Variants in MICAL2 observed in about 807,000 individuals in gnomAD.
MICAL2 encodes [F-actin]-monooxygenase MICAL2.
Under a neutral mutation model 127.3 loss-of-function variants are expected in MICAL2, and 77 were observed. The ratio of observed to expected loss-of-function variants is 0.60; its 90% confidence interval spans 0.50 to 0.73. The LOEUF (loss-of-function observed/expected upper bound fraction) is 0.73, where lower values mean the gene tolerates loss of function less well. MICAL2 is among the 30% of genes least tolerant of loss of function. MICAL2 has a pLI of 0.00. For synonymous variants in MICAL2, 570 were observed against 551.1 expected (o/e 1.03, Z -0.48); for missense variants, 1,351 against 1,434.4 (o/e 0.94, Z 0.94).
chr11:12,360,272 TATC>T (rs1441971120), downstream of MICAL2, among the ~76,000 whole-genome samples: 2 of 152,166 alleles, frequency 1.3e-5, no homozygotes, highest in Non-Finnish European at 2.9e-5. Flanking sequence ...GAATTGATAA[TATC>T]ATTTCCTCAT....
At chr11:12,117,669 G>A (rs918450690) in intron 1 of MICAL2, among the ~76,000 whole-genome samples, 24 of 152,174 alleles carry the variant, frequency 1.6e-4, no homozygotes, top group Non-Finnish European at 2.9e-5. Context: ...TTGGACAACT[G>A]TTCATCCAAA....
intron 23 of MICAL2, chr11:12,256,087 ACT>A (rs1387196172): frequency 2.2e-4 from 53 of 238,898 alleles, no homozygotes; most frequent in Non-Finnish European, 4.9e-5. Context: ...ACCTGAACAG[ACT>A]CTGTGCATTG....
At chr11:12,226,121 C>G in intron 13 of MICAL2, 50 bp from the exon 14 acceptor site, 1 of 1,591,274 alleles carries the variant, frequency 6.3e-7, no homozygotes, top group Non-Finnish European at 8.6e-7. Context: ...CAGCTCGCCA[C>G]ACCTCTGCCT....
rs562359869 is a variant in MICAL2, at chr11:12,179,819, T to C, written c.264+17400T>C. Among the ~76,000 whole-genome samples, 61 of 152,358 alleles carry C rather than the reference T, an allele frequency of 4.0e-4. 1 individual carries two copies. Among genetic ancestry groups the C allele is most frequent in the African/African-American group, 1.1e-3 (45 of 41,580 alleles). On this transcript the variant is annotated intron_variant, in intron 3 of 27. Transcript: ENST00000683283. ...GATAACTTAATGCTGAGCCTCTCAG[T>C]GCTGCTGGGACAGCCTTTTCAGAAA...
At chr11:12,136,787 A>G (rs185653189) in intron 1 of MICAL2, among the ~76,000 whole-genome samples, 107 of 152,224 alleles carry the variant, frequency 7.0e-4, no homozygotes, top group African/African-American at 2.5e-3. Flanking sequence ...GCATCTGACC[A>G]GTGGTCAGCC....
intron 8 of MICAL2, 47 bp from the exon 9 acceptor site, chr11:12,220,154 G>A (rs777823054): frequency 6.2e-7 from 1 of 1,608,800 alleles, no homozygotes; most frequent in Non-Finnish European, 8.5e-7. Context: ...ATGAAGGCTA[G>A]CCCTTTAGAG....
chr11:12,257,281 C>T (rs1327530852), intron 24 of MICAL2: 1 of 285,780 alleles, frequency 3.5e-6, no homozygotes, highest in Admixed American at 5.1e-5. Context: ...CCTGTATGGC[C>T]AAGAAAATCC....
At chr11:12,144,219 C>G (rs1052261631) in intron 2 of MICAL2, among the ~76,000 whole-genome samples, 1 of 152,126 alleles carries the variant, frequency 6.6e-6, no homozygotes, top group African/African-American at 2.4e-5. Context: ...TTTTTTGGAA[C>G]AGTTGGGGCT....
intron 5 of MICAL2, among the ~76,000 whole-genome samples, chr11:12,208,776 C>T (rs1855055194): frequency 1.3e-5 from 2 of 152,208 alleles, no homozygotes; most frequent in South Asian, 4.1e-4. Context: ...TTAAAAGTAT[C>T]TACCGCCTGG....
chr11:12,280,385 T>C (rs960238632), intron 1 of MICAL2, among the ~76,000 whole-genome samples: 2 of 152,210 alleles, frequency 1.3e-5, no homozygotes, highest in African/African-American at 4.8e-5. Context: ...CCTGTATTGT[T>C]CTGCTCTGGC....
chr11:12,314,876 A>G (rs1022261734), intron 29 of MICAL2, among the ~76,000 whole-genome samples: 1 of 152,030 alleles, frequency 6.6e-6, no homozygotes, highest in African/African-American at 2.4e-5. Flanking sequence ...ACCCATAGAT[A>G]TTATAATTAT....
intron 32 of MICAL2, among the ~76,000 whole-genome samples, chr11:12,330,534 G>C (rs976115862): frequency 6.6e-6 from 1 of 152,014 alleles, no homozygotes; most frequent in Non-Finnish European, 1.5e-5. Flanking sequence ...TTCATTAGGC[G>C]GGCATTGAAT....
At chr11:12,232,044 G>A (rs1858359045) in intron 15 of MICAL2, among the ~76,000 whole-genome samples, 1 of 152,218 alleles carries the variant, frequency 6.6e-6, no homozygotes, top group Non-Finnish European at 1.5e-5. Context: ...GTACACCATT[G>A]TATTGCTGCA....
At chr11:12,255,377 G>T (rs1383987714) in intron 22 of MICAL2, 2 of 447,740 alleles carry the variant, frequency 4.5e-6, no homozygotes, top group Admixed American at 3.4e-5. Flanking sequence ...CTGTCTCTAC[G>T]ATTTTGACTA....
At chr11:12,219,330 C>T (rs1383175897) in intron 8 of MICAL2, among the ~76,000 whole-genome samples, 1 of 152,010 alleles carries the variant, frequency 6.6e-6, no homozygotes, top group Admixed American at 6.6e-5. Flanking sequence ...TGCTAGTGTC[C>T]CTCCAGGATG....
intron 8 of MICAL2, among the ~76,000 whole-genome samples, chr11:12,219,366 G>A (rs893754151): frequency 4.6e-5 from 7 of 151,846 alleles, no homozygotes; most frequent in Admixed American, 4.6e-4. Flanking sequence ...GCAGCTCAGG[G>A]CTCTGCACTC....
At chr11:12,190,872 C>A (rs1024559245) in intron 3 of MICAL2, among the ~76,000 whole-genome samples, 1 of 152,190 alleles carries the variant, frequency 6.6e-6, no homozygotes, top group African/African-American at 2.4e-5. Context: ...ATAGTTCCTA[C>A]CTTATAAGTT....
chr11:12,306,445 A>G (rs995437699), intron 29 of MICAL2, among the ~76,000 whole-genome samples: 1 of 152,232 alleles, frequency 6.6e-6, no homozygotes, highest in Admixed American at 6.5e-5. Flanking sequence ...TACTCTACCA[A>G]ACTCTAATTT....
intron 2 of MICAL2, chr11:12,153,407 C>G (rs536558079): frequency 6.6e-6 from 1 of 152,168 alleles, no homozygotes; most frequent in Non-Finnish European, 1.5e-5. Flanking sequence ...GCAACCATCA[C>G]TACCATCCTT....
Sources: gnomAD v4.1 joint callset for allele counts (sites outside exome capture counted in the v4.1 genomes callset) on GRCh38, gnomAD v4.1.1 for gene constraint, MANE v1.5 for transcripts, NCBI Gene and HGNC (gene_info 2026-07-23, HGNC 2026-07-21) for gene names.